Variants in SYNE2 observed in about 807,000 individuals in gnomAD.
SYNE2 encodes spectrin repeat containing nuclear envelope protein 2.
A neutral mutation model predicts 856.3 loss-of-function variants in SYNE2; 431 were observed. That is an observed-to-expected ratio of 0.50 (90% CI 0.47 to 0.55). SYNE2 has a LOEUF of 0.55. Ranked by LOEUF, SYNE2 falls within the 20% of genes least tolerant of loss-of-function variation. The pLI is 0.00. For synonymous variants in SYNE2, 2,923 were observed against 2,872.3 expected (o/e 1.02, Z -0.56); for missense variants, 8,129 against 8,023.2 (o/e 1.01, Z -0.50).
Position 64,009,995 on chromosome 14 carries a change from T to C in SYNE2, c.4607T>C (p.Leu1536Pro). 1 of 1,613,936 alleles carries C rather than the reference T, an allele frequency of 6.2e-7. No homozygotes were observed. Among genetic ancestry groups the C allele is most frequent in the South Asian group, 1.1e-5 (1 of 91,076 alleles). The change falls in exon 32 of 116, where the codon CTC (leucine) becomes CCC (proline). Residue 1536 changes from leucine to proline, a missense_variant. Leu to Pro is a moderately conservative substitution (Grantham distance 98). This residue lies in a region of SYNE2 where 2,422 missense variants were observed against 2,357.4 expected (regional missense o/e 1.03). Coordinates refer to ENST00000555002, the MANE Select transcript of SYNE2 (RefSeq NM_182914.3). ...GAACAATGTGGGAGAGTTTTGGAGC[T>C]CTTAAAACAATATCAGAATTTTAAA... ...CLEQCGRVLE[L>P]LKQYQNFKSI... is the part of the protein sequence containing the mutation.
Position 63,963,917 on chromosome 14 carries a change from A to C in SYNE2, c.907A>C (p.Met303Leu), listed in dbSNP as rs377535370. ...AATACAGGGAAAGGTGAAAGATGCTATGGGCTGGTTAACTCTGCAAAAGGA... is the reference window on the plus strand; with the variant it reads ...AATACAGGGAAAGGTGAAAGATGCTCTGGGCTGGTTAACTCTGCAAAAGGA... ...EEAQGKVKDA[M>L]GWLTLQKEKL... Residue 303 changes from methionine to leucine, a missense_variant, in exon 10 of 116, where the codon ATG becomes CTG. Coordinates refer to ENST00000555002, the MANE Select transcript of SYNE2 (RefSeq NM_182914.3). 3.7e-6 allele frequency: 6 copies of C among 1,612,518 alleles called. No homozygotes were observed. Among genetic ancestry groups the C allele is most frequent in the Non-Finnish European group, 5.1e-6 (6 of 1,178,656 alleles).
In SYNE2 at chr14:64,167,263, C is replaced by A. The variant is rs1224714445; in HGVS notation, c.16636C>A (p.Pro5546Thr). The A allele has an allele frequency of 1.2e-5, 19 of 1,614,088 alleles. No homozygotes were observed. The highest frequency in any genetic ancestry group is 1.6e-5 in the Non-Finnish European group (19 of 1,180,044). ...NHVLALTAQS[P>T]DIEHLNEVSL... The stretch of plus-strand genomic sequence containing the variant: ...TGTGCTGGCACTGACAGCCCAATCA[C>A]CTGATATTGAACATTTGAATGAAGT... Residue 5546 changes from proline (P) to threonine (T), a missense_variant, in exon 91 of 116, where the codon CCT becomes ACT. By Grantham distance (38) the Pro-to-Thr change is conservative. This residue lies in a region of SYNE2 where 5,410 missense variants were observed against 5,284.8 expected (regional missense o/e 1.02). Coordinates refer to ENST00000555002, the MANE Select transcript of SYNE2 (RefSeq NM_182914.3).
At chr14:64,177,771 A>T (rs2098441502) in intron 96 of SYNE2, among the ~76,000 whole-genome samples, 1 of 152,186 alleles carries the variant, frequency 6.6e-6, no homozygotes, top group Non-Finnish European at 1.5e-5. Context: ...CTGTAATATA[A>T]GATGTGGCCT....
In SYNE2 at chr14:63,966,568, T is replaced by C. The variant is rs1218608486; in HGVS notation, c.991-1141T>C. On this transcript the variant is annotated intron_variant, in intron 10 of 115. Coordinates refer to ENST00000555002, the MANE Select transcript of SYNE2 (RefSeq NM_182914.3). ...CTGTGTAATCAGTAACTCTTTTTTT[T>C]CCCCCCCCGAGACAGGATCTCTCTC... Among the ~76,000 whole-genome samples the C allele has an allele frequency of 6.1e-3, 889 of 146,852 alleles. 7 individuals carry two copies. Among genetic ancestry groups the C allele is most frequent in the African/African-American group, 0.02 (795 of 39,900 alleles).
At chr14:63,786,535 C>G (rs1271957473) in intron 1 of SYNE2, among the ~76,000 whole-genome samples, 3 of 152,166 alleles carry the variant, frequency 2.0e-5, no homozygotes, top group Non-Finnish European at 4.4e-5. Context: ...CTTTAAACAA[C>G]ATGCTTAATT....
chr14:64,026,967 A>G (rs576442555), intron 42 of SYNE2, among the ~76,000 whole-genome samples: 1 of 152,360 alleles, frequency 6.6e-6, no homozygotes, highest in East Asian at 1.9e-4. Flanking sequence ...AAATTCTTAA[A>G]TATGTGAACA....
At chr14:64,079,475 C>T (rs192857652) in intron 55 of SYNE2, among the ~76,000 whole-genome samples, 3 of 152,234 alleles carry the variant, frequency 2.0e-5, no homozygotes, top group Admixed American at 1.3e-4. Flanking sequence ...AAATCTTAAG[C>T]AGAGGAACCT....
chr14:64,128,887 A>G (rs2097979248), intron 74 of SYNE2, among the ~76,000 whole-genome samples: 1 of 152,082 alleles, frequency 6.6e-6, no homozygotes, highest in Non-Finnish European at 1.5e-5. Context: ...AAACATGAAT[A>G]CTCTCTCTTC....
intron 78 of SYNE2, among the ~76,000 whole-genome samples, chr14:64,135,048 A>T (rs2098073754): frequency 6.6e-6 from 1 of 152,142 alleles, no homozygotes; most frequent in Non-Finnish European, 1.5e-5. Context: ...TTGCGTTGTT[A>T]TCATCTGTCT....
Position 64,120,929 on chromosome 14 carries a change from TCCTACCA to T in SYNE2, c.13027_13033del (p.Pro4343PhefsTer2). 6.2e-7 allele frequency: 1 copy of T among 1,614,154 alleles called. No individual in the cohort carries two copies. Among genetic ancestry groups the T allele is most frequent in the Non-Finnish European group, 8.5e-7 (1 of 1,179,998 alleles). ...TGCCATTATGAAATGTTTTGCAGCATCCTACCATTCTAAAGAAATCCTCAGAGCCAGA... is the reference window on the plus strand; with the variant it reads ...TGCCATTATGAAATGTTTTGCAGCATTTCTAAAGAAATCCTCAGAGCCAGA... On this transcript the variant is annotated frameshift_variant, in exon 68 of 116. Transcript: ENST00000555002. LOFTEE classifies it high-confidence loss of function.
chr14:64,110,460 A>G (rs1246530253), intron 65 of SYNE2, among the ~76,000 whole-genome samples: 1 of 152,068 alleles, frequency 6.6e-6, no homozygotes, highest in African/African-American at 2.4e-5. Context: ...TCTGTTTACT[A>G]GTTGTGTGAC....
At chr14:64,069,985 G>T (rs969218362) in intron 51 of SYNE2, among the ~76,000 whole-genome samples, 1 of 152,202 alleles carries the variant, frequency 6.6e-6, no homozygotes, top group Non-Finnish European at 1.5e-5. Flanking sequence ...CAGGGGATTC[G>T]AGGGGAGGCG....
chr14:64,070,242 G>A (rs1478199111), intron 51 of SYNE2, among the ~76,000 whole-genome samples: 17 of 152,194 alleles, frequency 1.1e-4, no homozygotes, highest in Admixed American at 1.1e-3. Flanking sequence ...GGAAGTGAAA[G>A]AAAAGAGACC....
In SYNE2 at chr14:63,983,805, A is replaced by T. The variant is rs79037871; in HGVS notation, c.2070A>T (p.Leu690=). The change falls in exon 18 of 116, where the codon CTA becomes CTT. Residue 690 remains leucine, a synonymous_variant. Coordinates refer to ENST00000555002, the MANE Select transcript of SYNE2 (RefSeq NM_182914.3). ...QPTFDNSGNI[L]SKEEKATVEF... is the part of the protein sequence containing the mutation. ...CTTTTGACAATTCTGGAAATATTCT[A>T]TCTAAAGAAGAGAAAGCAACTGTTG... The T allele has an allele frequency of 3.1e-6, 5 of 1,611,620 alleles. No individual in the cohort carries two copies. Among genetic ancestry groups the T allele is most frequent in the Middle Eastern group, 1.6e-4 (1 of 6,078 alleles).
Position 63,986,530 on chromosome 14 carries a change from C to G in SYNE2, c.2226C>G (p.Leu742=). The stretch of plus-strand genomic sequence containing the variant: ...AAGTGGCTAAAGATGTTGAAAAACT[C>G]ATTGGACAAGTGGAAATCTGGGAGG... ...QLKVAKDVEK[L]IGQVEIWEAE... Residue 742 remains leucine, a synonymous_variant, in exon 19 of 116, where the codon CTC becomes CTG. Coordinates refer to ENST00000555002, the MANE Select transcript of SYNE2 (RefSeq NM_182914.3). 6.2e-7 allele frequency: 1 copy of G among 1,614,108 alleles called. No individual in the cohort carries two copies. Among genetic ancestry groups the G allele is most frequent in the Non-Finnish European group, 8.5e-7 (1 of 1,179,992 alleles).
At chr14:64,106,795 C>G (rs1474383246) in intron 64 of SYNE2, among the ~76,000 whole-genome samples, 1 of 151,886 alleles carries the variant, frequency 6.6e-6, no homozygotes, top group Non-Finnish European at 1.5e-5. Context: ...TCATGCTTCC[C>G]CACACCTAGA....
intron 94 of SYNE2, among the ~76,000 whole-genome samples, chr14:64,172,859 C>T (rs958048702): frequency 3.3e-5 from 5 of 151,504 alleles, no homozygotes; most frequent in African/African-American, 9.7e-5. Context: ...CACTTGAGCC[C>T]GGGAGGTTGA....
chr14:63,765,172 A>C (rs1182765359), intron 1 of SYNE2, among the ~76,000 whole-genome samples: 1 of 152,172 alleles, frequency 6.6e-6, no homozygotes, highest in African/African-American at 2.4e-5. Context: ...GACTAAGCCC[A>C]GGGGTAGGTC....
At position 64,025,231 on chromosome 14, in the gene SYNE2, G is replaced by C. The variant is rs1157107742; in HGVS notation, c.6062G>C (p.Arg2021Thr). Residue 2021 changes from arginine (R) to threonine (T), a missense_variant, in exon 41 of 116, where the codon AGA becomes ACA. Coordinates refer to ENST00000555002, the MANE Select transcript of SYNE2 (RefSeq NM_182914.3). The stretch of plus-strand genomic sequence containing the variant: ...ATGGAAGCAACATGTTTGATGGATA[G>C]ATACCAGACATTACTGAGACAACTA... ...IIMEATCLMD[R>T]YQTLLRQLSE... 2.5e-6 allele frequency: 4 copies of C among 1,613,962 alleles called. No homozygotes were observed. Among genetic ancestry groups the C allele is most frequent in the Non-Finnish European group, 3.4e-6 (4 of 1,179,988 alleles).
Sources: allele counts gnomAD v4.1 joint callset (sites outside exome capture counted in the v4.1 genomes callset), GRCh38; gene constraint gnomAD v4.1.1; regional missense constraint gnomAD v4.1.1; transcripts MANE v1.5; gene names NCBI Gene and HGNC (gene_info 2026-07-23, HGNC 2026-07-21).